Variants in VPS53 observed in about 807,000 individuals in gnomAD.
VPS53 encodes the protein vacuolar protein sorting-associated protein 53 homolog.
In VPS53, 70 loss-of-function variants were observed where a neutral mutation model predicts 107.0. The observed-to-expected ratio is 0.65, with a 90% CI of 0.54 to 0.80. The LOEUF (loss-of-function observed/expected upper bound fraction) is 0.80, where lower values mean the gene tolerates loss of function less well. Ranked by LOEUF, VPS53 falls within the 30% of genes least tolerant of loss-of-function variation. The pLI, the probability that VPS53 is intolerant of heterozygous loss-of-function variation, is 0.00. For missense variants in VPS53, 917 were observed against 1,049.4 expected (o/e 0.87, Z 1.74); for synonymous variants, 409 against 393.3 (o/e 1.04, Z -0.47).
intron 16 of VPS53, chr17:552,853 C>G (rs1911971661): frequency 2.4e-6 from 1 of 410,704 alleles, no homozygotes; most frequent in Non-Finnish European, 4.3e-6. Context: ...TGACTAAAGC[C>G]AACAGCCTGA....
intron 15 of VPS53, among the ~76,000 whole-genome samples, chr17:556,297 G>A (rs1912343328): frequency 6.6e-6 from 1 of 152,012 alleles, no homozygotes; most frequent in Non-Finnish European, 1.5e-5. Context: ...AAGAATCTGA[G>A]CAACAAGGAA....
rs1909021468 is a variant in VPS53, at chr17:524,933, C to A, written c.2086-3195G>T. Among the ~76,000 whole-genome samples, 1 of 152,174 alleles carries A rather than the reference C, an allele frequency of 6.6e-6. No homozygotes were observed. Among genetic ancestry groups the A allele is most frequent in the South Asian group, 2.1e-4 (1 of 4,830 alleles). On this transcript the variant is annotated intron_variant, in intron 19 of 21. Transcript: ENST00000437048. This position sits in a 1 kb window ranked among gnomAD's most constrained non-coding sequence, Gnocchi z 4.5. ...GAGATGTGTATCACCCATAACACAG[C>A]ATTAATACTTATATCCATTAGAGGA...
intron 12 of VPS53, among the ~76,000 whole-genome samples, chr17:588,277 C>T (rs2143001256): frequency 6.6e-6 from 1 of 152,246 alleles, no homozygotes; most frequent in Admixed American, 6.5e-5. Context: ...GAGATTGCAC[C>T]ACTGTACTCC....
chr17:659,856 T>C (rs1243807075), intron 5 of VPS53, among the ~76,000 whole-genome samples: 1 of 152,176 alleles, frequency 6.6e-6, no homozygotes, highest in African/African-American at 2.4e-5. Context: ...ACTGGTCTCT[T>C]TATTCCCAGG....
chr17:658,151 T>A lies in VPS53; in HGVS notation c.373-2198A>T, dbSNP rs577046549. 2.7e-3 allele frequency among the ~76,000 whole-genome samples: 400 copies of A among 147,302 alleles called. 1 individual carries two copies. The highest frequency in any genetic ancestry group is 4.8e-3 in the Non-Finnish European group (323 of 66,704). On this transcript the variant is annotated intron_variant, in intron 5 of 21. Coordinates refer to ENST00000437048, the MANE Select transcript of VPS53 (RefSeq NM_001128159.3). ...CTAAAGTGAGAAACTCGGCAGGGAG[T>A]TCGTGGATAGTTACATCCCACTAAA...
chr17:598,194 C>T (rs897516150), intron 12 of VPS53, among the ~76,000 whole-genome samples: 27 of 152,320 alleles, frequency 1.8e-4, no homozygotes, highest in Non-Finnish European at 2.6e-4. Flanking sequence ...AGCCCCTAAC[C>T]GCAAGTGATC....
chr17:666,308 A>C (rs1971682628), intron 4 of VPS53, among the ~76,000 whole-genome samples: 1 of 152,242 alleles, frequency 6.6e-6, no homozygotes, highest in Admixed American at 6.5e-5. Flanking sequence ...TGGGTGTTAC[A>C]GAAGCCAAAC....
chr17:686,185 T>C (rs1972579044), intron 4 of VPS53, among the ~76,000 whole-genome samples: 1 of 152,050 alleles, frequency 6.6e-6, no homozygotes, highest in Admixed American at 6.5e-5. Context: ...TCAGGCATAG[T>C]GGTGTGCACC....
At chr17:682,134 A>G (rs1374130431) in intron 4 of VPS53, among the ~76,000 whole-genome samples, 1 of 152,224 alleles carries the variant, frequency 6.6e-6, no homozygotes, top group Non-Finnish European at 1.5e-5. Context: ...AACACTTTAA[A>G]CACAGCAGCC....
At chr17:576,083 C>G (rs1160780554) in intron 13 of VPS53, among the ~76,000 whole-genome samples, 1 of 151,498 alleles carries the variant, frequency 6.6e-6, no homozygotes. Flanking sequence ...CAAATGAGTT[C>G]CGAAAAACCA....
intron 13 of VPS53, among the ~76,000 whole-genome samples, chr17:579,275 G>A (rs1597332967): frequency 6.9e-6 from 1 of 144,184 alleles, no homozygotes; most frequent in East Asian, 2.1e-4. Flanking sequence ...TGTATTCCTA[G>A]AGAACTTCCC....
intron 4 of VPS53, among the ~76,000 whole-genome samples, chr17:678,506 G>C (rs947319814): frequency 6.6e-6 from 1 of 151,666 alleles, no homozygotes; most frequent in East Asian, 1.9e-4. Context: ...TCGCTCTGTC[G>C]CCTAGGCTGG....
At chr17:706,735 G>A (rs1371442799) in intron 2 of VPS53, among the ~76,000 whole-genome samples, 1 of 152,076 alleles carries the variant, frequency 6.6e-6, no homozygotes, top group Non-Finnish European at 1.5e-5. Flanking sequence ...AAACGAATGA[G>A]TGAATTTTGG....
chr17:602,027 A>T, intron 11 of VPS53, 131 bp from the exon 12 acceptor site: 1 of 549,152 alleles, frequency 1.8e-6, no homozygotes, highest in Non-Finnish European at 2.9e-6. Context: ...AACTGAGGCA[A>T]CCCAGACCAC....
rs766793503 is a variant in VPS53 at position 555,390 on chromosome 17, T to A, written c.1705-1928A>T. Among the ~76,000 whole-genome samples, 14 of 152,318 alleles carry A rather than the reference T, an allele frequency of 9.2e-5. No homozygotes were observed. In the East Asian group the frequency reaches 2.5e-3, roughly 27 times the overall value. On this transcript the variant is annotated intron_variant, in intron 15 of 21. Transcript: ENST00000437048. ...TCTAAGCCCTCCAGGCTCCTCACTT[T>A]TTGGCCACATGTTGGCCATGCTGGT... is the stretch of plus-strand genomic sequence containing the variant.
Position 521,757 on chromosome 17 carries a change from A to C in VPS53, c.2086-19T>G. The C allele has an allele frequency of 6.6e-7, 1 of 1,513,504 alleles. No individual in the cohort carries two copies. The allele number at this position is 1,513,504 out of a possible 1,614,324, so 93.8% of individuals were successfully genotyped here. ...GCAGCAGCTGTGGAGCAAAGCAGAG[A>C]GCATTACCGGCCCCTTCCAGCGACC... On this transcript the variant is annotated intron_variant, in intron 19 of 21. Transcript: ENST00000437048.
At chr17:568,367 G>T (rs1231483292) in intron 13 of VPS53, among the ~76,000 whole-genome samples, 1 of 151,936 alleles carries the variant, frequency 6.6e-6, no homozygotes, top group Non-Finnish European at 1.5e-5. Flanking sequence ...CCAGCCTCCT[G>T]AGTAGCTGGG....
At chr17:674,059 G>A (rs1051821373) in intron 4 of VPS53, 1 of 152,206 alleles carries the variant, frequency 6.6e-6, no homozygotes, top group Non-Finnish European at 1.5e-5. Context: ...TGACGGATGC[G>A]TTCATGCAGC....
At chr17:621,300 T>C (rs1166656596) in intron 11 of VPS53, among the ~76,000 whole-genome samples, 1 of 152,238 alleles carries the variant, frequency 6.6e-6, no homozygotes, top group South Asian at 2.1e-4. Context: ...CATCTCACAG[T>C]ATGGATGCAC....
Sources: gnomAD v4.1 joint callset for allele counts (sites outside exome capture counted in the v4.1 genomes callset) on GRCh38, gnomAD v4.1.1 for gene constraint, Gnocchi (gnomAD v3.1) non-coding constraint, MANE v1.5 for transcripts, NCBI Gene and HGNC (gene_info 2026-07-23, HGNC 2026-07-21) for gene names.